The following THSD7B variants were observed in gnomAD, a reference collection of about 807,000 sequenced individuals.
THSD7B encodes the protein thrombospondin type 1 domain containing 7B, also known as thrombospondin type-1 domain-containing protein 7B.
In THSD7B, 138 loss-of-function variants were observed where a neutral mutation model predicts 213.6. The ratio of observed to expected loss-of-function variants is 0.65; its 90% confidence interval spans 0.56 to 0.74. THSD7B has a LOEUF of 0.74. THSD7B is among the 30% of genes least tolerant of loss of function. The probability of loss-of-function intolerance (pLI) is 0.00; values close to 1 mark genes in which losing one functional copy is unlikely to be tolerated. For synonymous variants in THSD7B, 742 were observed against 687.0 expected (o/e 1.08, Z -1.25); for missense variants, 1,931 against 1,991.5 (o/e 0.97, Z 0.58).
At chr2:136,896,132 A>G (rs1573695895) in intron 2 of THSD7B, among the ~76,000 whole-genome samples, 1 of 152,206 alleles carries the variant, frequency 6.6e-6, no homozygotes, top group East Asian at 1.9e-4. Flanking sequence ...TATGGAATAT[A>G]CATGCTGAAC....
chr2:137,460,143 G>C (rs1687856199), intron 15 of THSD7B, among the ~76,000 whole-genome samples: 1 of 152,178 alleles, frequency 6.6e-6, no homozygotes. Context: ...CTAAGGTTTA[G>C]AAGATGTAAT....
At chr2:136,944,516 T>C (rs903902358) in intron 2 of THSD7B, among the ~76,000 whole-genome samples, 1 of 152,168 alleles carries the variant, frequency 6.6e-6, no homozygotes, top group Non-Finnish European at 1.5e-5. Context: ...TGTGGGAGTC[T>C]AAGTCTCTTT....
intron 2 of THSD7B, among the ~76,000 whole-genome samples, chr2:136,977,802 T>TTTTTTTG (rs568716601): frequency 0.01 from 45 of 4,318 alleles, no homozygotes; most frequent in African/African-American, 0.022. Context: ...CTTTTCTTTG[T>TTTTTTTG]TTTTTTTTTT....
intron 12 of THSD7B, among the ~76,000 whole-genome samples, chr2:137,311,636 G>A (rs896316509): frequency 1.3e-5 from 2 of 152,100 alleles, no homozygotes; most frequent in Non-Finnish European, 2.9e-5. Context: ...GATGTTGGCT[G>A]TGGGTTTGTC....
chr2:137,547,203 C>G (rs1680757817), intron 15 of THSD7B, among the ~76,000 whole-genome samples: 2 of 152,008 alleles, frequency 1.3e-5, no homozygotes, highest in African/African-American at 2.4e-5. Context: ...CTCACTTTTG[C>G]AAAGGTCAGG....
At chr2:136,952,729 T>C (rs1280535952) in intron 2 of THSD7B, among the ~76,000 whole-genome samples, 2 of 152,140 alleles carry the variant, frequency 1.3e-5, no homozygotes, top group African/African-American at 4.8e-5. Flanking sequence ...AGGTATTCTT[T>C]TATTTTTTTG....
chr2:137,360,142 G>A (rs896840132), intron 12 of THSD7B, among the ~76,000 whole-genome samples: 3 of 152,156 alleles, frequency 2.0e-5, no homozygotes, highest in Non-Finnish European at 2.9e-5. Context: ...CTCGGAAACC[G>A]TGGCTCATAA....
chr2:137,676,392 A>G, intron 27 of THSD7B, 132 bp from the exon 28 acceptor site: 1 of 751,332 alleles, frequency 1.3e-6, no homozygotes, highest in East Asian at 2.9e-5. Context: ...ACAAAAGGGA[A>G]CCCACACATC....
At chr2:137,019,068 T>C (rs1040745419) in intron 2 of THSD7B, among the ~76,000 whole-genome samples, 1 of 152,142 alleles carries the variant, frequency 6.6e-6, no homozygotes, top group Admixed American at 6.6e-5. Flanking sequence ...TAATCATTTC[T>C]AAGGAATGGT....
chr2:137,428,011 G>A (rs1310385480), intron 14 of THSD7B, among the ~76,000 whole-genome samples: 2 of 151,900 alleles, frequency 1.3e-5, no homozygotes, highest in Non-Finnish European at 2.9e-5. Flanking sequence ...TAATGTATAA[G>A]GACAACATAC....
intron 7 of THSD7B, among the ~76,000 whole-genome samples, chr2:137,204,935 C>CA (rs372229174): frequency 1.8e-4 from 28 of 152,144 alleles, no homozygotes; most frequent in African/African-American, 6.5e-4. Flanking sequence ...AATGCATGGA[C>CA]AAAATCTTCG....
At chr2:137,443,057 A>T (rs1184053022) in intron 14 of THSD7B, among the ~76,000 whole-genome samples, 1 of 152,196 alleles carries the variant, frequency 6.6e-6, no homozygotes, top group East Asian at 1.9e-4. Context: ...TAGCTAGTGT[A>T]CGTACAGTCC....
At chr2:137,638,840 T>A (rs1170302520) in intron 20 of THSD7B, among the ~76,000 whole-genome samples, 1 of 152,120 alleles carries the variant, frequency 6.6e-6, no homozygotes, top group African/African-American at 2.4e-5. Context: ...TTTGTGAAAC[T>A]TCGAACTTGA....
intron 15 of THSD7B, among the ~76,000 whole-genome samples, chr2:137,485,983 C>A (rs1054144685): frequency 6.6e-6 from 1 of 152,274 alleles, no homozygotes; most frequent in Non-Finnish European, 1.5e-5. Context: ...CCTAAAAGAG[C>A]TCCTGAAGGA....
At chr2:137,556,705 A>C (rs1680977643) in intron 15 of THSD7B, among the ~76,000 whole-genome samples, 1 of 152,196 alleles carries the variant, frequency 6.6e-6, no homozygotes, top group South Asian at 2.1e-4. Context: ...ATTAACCTTA[A>C]ATGTAAATGG....
intron 1 of THSD7B, among the ~76,000 whole-genome samples, chr2:136,778,868 T>C (rs1198540508): frequency 2.0e-5 from 3 of 152,172 alleles, no homozygotes; most frequent in East Asian, 3.9e-4. Flanking sequence ...CCTGGGCCTA[T>C]AAGTCAGCTC....
At chr2:137,475,343 A>G (rs1688171216) in intron 15 of THSD7B, among the ~76,000 whole-genome samples, 1 of 152,168 alleles carries the variant, frequency 6.6e-6, no homozygotes, top group Admixed American at 6.5e-5. Flanking sequence ...GGAAACTTTC[A>G]AATTCTCTCT....
intron 12 of THSD7B, among the ~76,000 whole-genome samples, chr2:137,384,171 CTATT>C: frequency 6.6e-6 from 1 of 152,256 alleles, no homozygotes; most frequent in African/African-American, 2.4e-5. Flanking sequence ...TCCAACTACT[CTATT>C]TAGCAGAATC....
At chr2:137,086,442 C>T (rs909228427) in intron 3 of THSD7B, among the ~76,000 whole-genome samples, 6 of 152,154 alleles carry the variant, frequency 3.9e-5, no homozygotes, top group African/African-American at 1.4e-4. Context: ...ACTCGTATCC[C>T]TCCAACTCCT....
Sources: allele counts gnomAD v4.1 joint callset (sites outside exome capture counted in the v4.1 genomes callset), GRCh38; gene constraint gnomAD v4.1.1; transcripts MANE v1.5; gene names NCBI Gene and HGNC (gene_info 2026-07-23, HGNC 2026-07-21).